ARMCX1: variants seen among roughly 807,000 people sequenced by gnomAD.
ARMCX1 encodes armadillo repeat containing X-linked 1.
A neutral mutation model predicts 15.4 loss-of-function variants in ARMCX1; 4 were observed. That is an observed-to-expected ratio of 0.26 (90% CI 0.13 to 0.59). ARMCX1 has a LOEUF of 0.59. Ranked by LOEUF, ARMCX1 falls within the 20% of genes least tolerant of loss-of-function variation. ARMCX1 has a pLI of 0.89. For synonymous variants in ARMCX1, 144 were observed against 130.5 expected (o/e 1.10, Z -0.71); for missense variants, 273 against 337.1 (o/e 0.81, Z 1.49).
In ARMCX1 at chrX:101,553,335, C is replaced by G; in HGVS notation, c.405C>G (p.Asn135Lys). Reference sequence around the variant, plus strand: ...CTAGGGTGGGTACCATCTCTGGGAACAGGACCCTTGCACCGAGTTTACCCT... The same window carrying G: ...CTAGGGTGGGTACCATCTCTGGGAAGAGGACCCTTGCACCGAGTTTACCCT... ...KGARVGTISG[N>K]RTLAPSLPCP... Residue 135 changes from asparagine (N) to lysine (K), a missense_variant, in exon 4 of 4, where the codon AAC becomes AAG. Coordinates refer to ENST00000372829, the MANE Select transcript of ARMCX1 (RefSeq NM_016608.2). The G allele has an allele frequency of 8.3e-7, 1 of 1,201,910 alleles. No individual in the cohort carries two copies. The highest frequency in any genetic ancestry group is 3.0e-5 in the East Asian group (1 of 33,779).
rs1935407831 is a variant in ARMCX1, at chrX:101,553,783, A to G, written c.853A>G (p.Lys285Glu). The G allele has an allele frequency of 1.7e-6, 2 of 1,211,825 alleles. No individual in the cohort carries two copies. Among genetic ancestry groups the G allele is most frequent in the Non-Finnish European group, 2.2e-6 (2 of 895,527 alleles). The change falls in exon 4 of 4, where the codon AAG becomes GAG. Residue 285 changes from lysine (K) to glutamate (E), a missense_variant. Coordinates refer to ENST00000372829, the MANE Select transcript of ARMCX1 (RefSeq NM_016608.2). ...SVNAENQGKI[K>E]TYISQVCDDT... The stretch of plus-strand genomic sequence containing the variant: ...GAACGCAGAAAATCAGGGCAAGATT[A>G]AGACGTACATCAGTCAAGTGTGTGA...
Position 101,552,796 on chromosome X carries a change from C to T in ARMCX1, c.-122-13C>T. On this transcript the variant is annotated splice_polypyrimidine_tract_variant and intron_variant, in intron 3 of 3. Coordinates refer to ENST00000372829, the MANE Select transcript of ARMCX1 (RefSeq NM_016608.2). ...AAGGAGCCTGAAATCTGAAATGCAT[C>T]CTTTATTCCTAGGTCGAGCTGCCTC... 1.5e-6 allele frequency: 1 copy of T among 663,382 alleles called. No individual in the cohort carries two copies. The highest frequency in any genetic ancestry group is 2.2e-6 in the Non-Finnish European group (1 of 456,473). 54.7% of individuals were successfully genotyped at this position (663,382 alleles called of 1,213,427 possible).
intron 3 of ARMCX1, among the ~76,000 whole-genome samples, chrX:101,552,485 GA>G (rs1423622596): frequency 7.2e-5 from 8 of 110,712 alleles, no homozygotes; most frequent in East Asian, 2.9e-4. Flanking sequence ...GAAAGAGAAG[GA>G]AAAAAAACTG....
In ARMCX1 at chrX:101,553,266, C is replaced by T; in HGVS notation, c.336C>T (p.Phe112=). 1 of 1,211,960 alleles carries T rather than the reference C, an allele frequency of 8.3e-7. No individual in the cohort carries two copies. ...GGLEAKAKAL[F]NTLKEQASAK... ...TAGAGGCCAAGGCCAAGGCCCTTTT[C>T]AACACGCTGAAGGAACAGGCAAGTG... Residue 112 remains phenylalanine (F), a synonymous_variant, in exon 4 of 4, where the codon TTC becomes TTT. Transcript: ENST00000372829.
In ARMCX1 at chrX:101,551,017, C is replaced by G. The variant is rs189492220; in HGVS notation, c.-195C>G. ...AACAAAGGAATAGTCTGCCTGGAAT[C>G]CCTGCAGGTCAGTGTAAAGCTGGAG... is the stretch of plus-strand genomic sequence containing the variant. On this transcript the variant is annotated 5_prime_UTR_variant, in exon 2 of 4. The change creates a new upstream start codon in the 5' untranslated region. Transcript: ENST00000372829. The G allele has an allele frequency of 9.0e-6, 1 of 111,275 alleles. No homozygotes were observed. Among genetic ancestry groups the G allele is most frequent in the South Asian group, 3.8e-4 (1 of 2,653 alleles). 9.2% of individuals were successfully genotyped at this position (111,275 alleles called of 1,213,427 possible).
In ARMCX1 at chrX:101,553,247, C is replaced by A. The variant is rs782732995; in HGVS notation, c.317C>A (p.Ala106Asp). The A allele has an allele frequency of 8.3e-7, 1 of 1,210,386 alleles. No individual in the cohort carries two copies. Among genetic ancestry groups the A allele is most frequent in the African/African-American group, 1.7e-5 (1 of 57,329 alleles). Residue 106 changes from alanine (A) to aspartate (D), a missense_variant, in exon 4 of 4, where the codon GCC becomes GAC. This residue lies in a region of ARMCX1 where 147 missense variants were observed against 143.5 expected (regional missense o/e 1.02). Transcript: ENST00000372829. ...SGSHSGGGLE[A>D]KAKALFNTLK... Reference sequence around the variant, plus strand: ...TCCCACAGCGGAGGTGGCCTAGAGGCCAAGGCCAAGGCCCTTTTCAACACG... The same window carrying A: ...TCCCACAGCGGAGGTGGCCTAGAGGACAAGGCCAAGGCCCTTTTCAACACG...
At position 101,554,047 on chromosome X, in the gene ARMCX1, T is replaced by C. The variant is rs782488309; in HGVS notation, c.1117T>C (p.Leu373=). The C allele has an allele frequency of 4.1e-6, 5 of 1,209,516 alleles. No individual in the cohort carries two copies. The highest frequency in any genetic ancestry group is 3.0e-5 in the East Asian group (1 of 33,826). ...ELVSCKVPSE[L]ISLFNKEWDR... ...GGTCAGTTGTAAAGTACCATCAGAA[T>C]TGATTTCCCTCTTTAATAAAGAATG... The change falls in exon 4 of 4, where the codon TTG becomes CTG. Residue 373 remains leucine, a synonymous_variant. Coordinates refer to ENST00000372829, the MANE Select transcript of ARMCX1 (RefSeq NM_016608.2).
rs1556027443 is a variant in ARMCX1 at position 101,553,736 on chromosome X, A to G, written c.806A>G (p.Asn269Ser). The change falls in exon 4 of 4, where the codon AAT (asparagine) becomes AGT (serine). Residue 269 changes from asparagine to serine, a missense_variant. Asn to Ser is a conservative substitution (Grantham distance 46, BLOSUM62 1). Around this residue, in one of 2 missense-constraint regions of ARMCX1, gnomAD observed 126 missense variants for 193.6 expected, o/e 0.65. Transcript: ENST00000372829. ...KDPIIREKTYNALNNLSVNAE... is the reference protein window; with the variant it reads ...KDPIIREKTYSALNNLSVNAE... ...CCCATAATTAGGGAAAAGACTTACA[A>G]TGCCCTTAATAACTTGAGTGTGAAC... 8.3e-7 allele frequency: 1 copy of G among 1,211,060 alleles called. No homozygotes were observed. Among genetic ancestry groups the G allele is most frequent in the South Asian group, 1.8e-5 (1 of 56,937 alleles).
Position 101,553,652 on chromosome X carries a change from A to G in ARMCX1, c.722A>G (p.Asn241Ser), listed in dbSNP as rs368457888. The part of the protein sequence containing the change: ...GNNAAYSFNQ[N>S]AIRELGGVPI... ...AATGCAGCATATTCATTTAACCAGA[A>G]TGCCATACGTGAATTGGGTGGTGTC... The change falls in exon 4 of 4, where the codon AAT becomes AGT. Residue 241 changes from asparagine (N) to serine (S), a missense_variant. Asn to Ser is a conservative substitution (Grantham distance 46). Around this residue, in one of 2 missense-constraint regions of ARMCX1, gnomAD observed 126 missense variants for 193.6 expected, o/e 0.65. Coordinates refer to ENST00000372829, the MANE Select transcript of ARMCX1 (RefSeq NM_016608.2). 2 of 1,210,179 alleles carry G rather than the reference A, an allele frequency of 1.7e-6. No individual in the cohort carries two copies. The highest frequency in any genetic ancestry group is 2.2e-5 in the Admixed American group (1 of 45,784).
At position 101,554,059 on chromosome X, in the gene ARMCX1, T is replaced by C; in HGVS notation, c.1129T>C (p.Phe377Leu). Reference protein sequence around the residue: ...CKVPSELISLFNKEWDREILL... With the variant: ...CKVPSELISLLNKEWDREILL... The stretch of plus-strand genomic sequence containing the variant: ...AGTACCATCAGAATTGATTTCCCTC[T>C]TTAATAAAGAATGGGATAGAGAGAT... The change falls in exon 4 of 4, where the codon TTT (phenylalanine) becomes CTT (leucine). Residue 377 changes from phenylalanine to leucine, a missense_variant. Physicochemically the swap from Phe to Leu is conservative, Grantham distance 22. Transcript: ENST00000372829. 1 of 1,210,793 alleles carries C rather than the reference T, an allele frequency of 8.3e-7. No individual in the cohort carries two copies. The highest frequency in any genetic ancestry group is 1.1e-6 in the Non-Finnish European group (1 of 894,588).
Position 101,553,237 on chromosome X carries a change from G to A in ARMCX1, c.307G>A (p.Gly103Ser). The change falls in exon 4 of 4, where the codon GGC becomes AGC. Residue 103 changes from glycine to serine, a missense_variant. Coordinates refer to ENST00000372829, the MANE Select transcript of ARMCX1 (RefSeq NM_016608.2). The stretch of plus-strand genomic sequence containing the variant: ...CCATTCAGGATCCCACAGCGGAGGT[G>A]GCCTAGAGGCCAAGGCCAAGGCCCT... ...KAHSGSHSGGGLEAKAKALFN... is the reference protein window; with the variant it reads ...KAHSGSHSGGSLEAKAKALFN... 8.2e-7 allele frequency: 1 copy of A among 1,212,140 alleles called. No individual in the cohort carries two copies.
In ARMCX1 at chrX:101,553,119, G is replaced by T; in HGVS notation, c.189G>T (p.Gly63=). 1 of 1,211,610 alleles carries T rather than the reference G, an allele frequency of 8.3e-7. No homozygotes were observed. The highest frequency in any genetic ancestry group is 1.1e-6 in the Non-Finnish European group (1 of 895,424). The change falls in exon 4 of 4, where the codon GGG becomes GGT. Residue 63 remains glycine (G), a synonymous_variant. Transcript: ENST00000372829. The part of the protein sequence containing the change: ...ETVKGAKTNA[G]AGSGAKLQGD... Reference sequence around the variant, plus strand: ...TGAAAGGAGCTAAAACTAACGCTGGGGCAGGGTCTGGGGCCAAACTTCAGG... The same window carrying T: ...TGAAAGGAGCTAAAACTAACGCTGGTGCAGGGTCTGGGGCCAAACTTCAGG...
chrX:101,553,445 A>G lies in ARMCX1; in HGVS notation c.515A>G (p.Lys172Arg). 1 of 1,202,411 alleles carries G rather than the reference A, an allele frequency of 8.3e-7. No individual in the cohort carries two copies. Among genetic ancestry groups the G allele is most frequent in the South Asian group, 1.8e-5 (1 of 55,081 alleles). Reference protein sequence around the residue: ...GGRASGKSKGKARSKSTRAPA... With the variant: ...GGRASGKSKGRARSKSTRAPA... ...AGGGCAAGTGGAAAATCCAAGGGAAAGGCCCGAAGTAAGAGCACCAGGGCT... is the reference window on the plus strand; with the variant it reads ...AGGGCAAGTGGAAAATCCAAGGGAAGGGCCCGAAGTAAGAGCACCAGGGCT... The change falls in exon 4 of 4, where the codon AAG becomes AGG. Residue 172 changes from lysine (K) to arginine (R), a missense_variant. By Grantham distance (26) the Lys-to-Arg change is conservative. Coordinates refer to ENST00000372829, the MANE Select transcript of ARMCX1 (RefSeq NM_016608.2).
rs782134425 is a variant in ARMCX1, at chrX:101,553,611, G to A, written c.681G>A (p.Leu227=). The change falls in exon 4 of 4, where the codon TTG becomes TTA. Residue 227 remains leucine (L), a synonymous_variant. Coordinates refer to ENST00000372829, the MANE Select transcript of ARMCX1 (RefSeq NM_016608.2). ...ATCCTTTTATTCAAGAAGTAGCCTT[G>A]GTCACTCTGGGTAACAATGCAGCAT... ...TNDPFIQEVA[L]VTLGNNAAYS... is the part of the protein sequence containing the mutation. 1 of 1,211,076 alleles carries A rather than the reference G, an allele frequency of 8.3e-7. No homozygotes were observed. Among genetic ancestry groups the A allele is most frequent in the South Asian group, 1.8e-5 (1 of 56,941 alleles).
chrX:101,553,638 T>C lies in ARMCX1; in HGVS notation c.708T>C (p.Tyr236=), dbSNP rs782701859. 4.1e-6 allele frequency: 5 copies of C among 1,210,212 alleles called. No homozygotes were observed. The African/African-American group carries it at 7.0e-5, about 17-fold the overall frequency. ...ALVTLGNNAA[Y]SFNQNAIREL... is the part of the protein sequence containing the mutation. ...TCACTCTGGGTAACAATGCAGCATA[T>C]TCATTTAACCAGAATGCCATACGTG... is the stretch of plus-strand genomic sequence containing the variant. The change falls in exon 4 of 4, where the codon TAT becomes TAC. Residue 236 remains tyrosine, a synonymous_variant. Coordinates refer to ENST00000372829, the MANE Select transcript of ARMCX1 (RefSeq NM_016608.2).
In ARMCX1 at chrX:101,554,459, T is replaced by C. The variant is rs1935413999; in HGVS notation, c.*167T>C. 1 of 504,041 alleles carries C rather than the reference T, an allele frequency of 2.0e-6. No individual in the cohort carries two copies. Among genetic ancestry groups the C allele is most frequent in the Non-Finnish European group, 3.1e-6 (1 of 321,235 alleles). The allele number at this position is 504,041 out of a possible 1,213,427, so 41.5% of individuals were successfully genotyped here. On this transcript the variant is annotated 3_prime_UTR_variant, in exon 4 of 4. Transcript: ENST00000372829. ...CAGTGACTGATGTTGGTTGTAATGG[T>C]TGGGTTTAGGATGAACCATTTTAAG...
rs1935400717 is a variant in ARMCX1, at chrX:101,553,131, G to A, written c.201G>A (p.Gly67=). Residue 67 remains glycine, a synonymous_variant, in exon 4 of 4, where the codon GGG becomes GGA. Coordinates refer to ENST00000372829, the MANE Select transcript of ARMCX1 (RefSeq NM_016608.2). ...GAKTNAGAGS[G]AKLQGDSEVK... ...AAACTAACGCTGGGGCAGGGTCTGGGGCCAAACTTCAGGGTGATTCAGAGG... is the reference window on the plus strand; with the variant it reads ...AAACTAACGCTGGGGCAGGGTCTGGAGCCAAACTTCAGGGTGATTCAGAGG... 1 of 1,209,843 alleles carries A rather than the reference G, an allele frequency of 8.3e-7. No homozygotes were observed. The highest frequency in any genetic ancestry group is 1.8e-5 in the South Asian group (1 of 56,750).
Position 101,553,168 on chromosome X carries a change from GTGAGTT to G in ARMCX1, c.241_246del (p.Ser81_Leu82del). 8.3e-7 allele frequency: 1 copy of G among 1,212,105 alleles called. No individual in the cohort carries two copies. On this transcript the variant is annotated inframe_deletion, in exon 4 of 4. Transcript: ENST00000372829. ...GGGTGATTCAGAGGTCAAGCCTGAG[GTGAGTT>G]TGGGACTCGAGGATTGTCCGGGTGT...
intron 3 of ARMCX1, among the ~76,000 whole-genome samples, chrX:101,551,877 G>A (rs782636404): frequency 9.2e-6 from 1 of 108,658 alleles, no homozygotes; most frequent in Non-Finnish European, 1.9e-5. Context: ...TGGGGTACAG[G>A]GTCCTTGGTG....
Sources: allele counts gnomAD v4.1 joint callset (sites outside exome capture counted in the v4.1 genomes callset), GRCh38; gene constraint gnomAD v4.1.1; regional missense constraint gnomAD v4.1.1; transcripts MANE v1.5; gene names NCBI Gene and HGNC (gene_info 2026-07-23, HGNC 2026-07-21).